Variants in GALNT10 observed in about 807,000 individuals in gnomAD.
The protein encoded by GALNT10 is GalNAc transferase 10.
GALNT10 carries 41 observed loss-of-function variants against 75.0 expected under a neutral mutation model. The observed-to-expected ratio is 0.55, with a 90% CI of 0.43 to 0.71. The LOEUF (loss-of-function observed/expected upper bound fraction) is 0.71, where lower values mean the gene tolerates loss of function less well. Among genes scored for constraint, GALNT10 ranks in the 30% least tolerant of loss-of-function variants. The probability of loss-of-function intolerance (pLI) is 0.00; values close to 1 mark genes in which losing one functional copy is unlikely to be tolerated. For synonymous variants in GALNT10, 302 were observed against 313.0 expected, an observed-to-expected ratio of 0.96 and a Z score of 0.37; for missense variants, 727 against 818.5, an observed-to-expected ratio of 0.89 and a Z score of 1.36.
chr5:154,245,479 T>A (rs1297240153), intron 1 of GALNT10, among the ~76,000 whole-genome samples: 1 of 151,956 alleles, frequency 6.6e-6, no homozygotes, highest in African/African-American at 2.4e-5. Flanking sequence ...TCAGAAAGGT[T>A]CAAACTTGTC....
chr5:154,386,263 A>G (rs1755804578), intron 6 of GALNT10, 50 bp from the exon 7 acceptor site: 3 of 1,311,144 alleles, frequency 2.3e-6, no homozygotes, highest in South Asian at 2.4e-5. Flanking sequence ...ACATGAGAGC[A>G]TGTGGCCAGG....
At chr5:154,349,982 C>T (rs1755182331) in intron 4 of GALNT10, among the ~76,000 whole-genome samples, 1 of 152,176 alleles carries the variant, frequency 6.6e-6, no homozygotes, top group Non-Finnish European at 1.5e-5. Context: ...TCCTCAGTCA[C>T]ACAAGCCACA....
intron 1 of GALNT10, among the ~76,000 whole-genome samples, chr5:154,245,416 GGGTACTACCCCTGTAA>G (rs968468699): frequency 6.6e-6 from 1 of 152,156 alleles, no homozygotes; most frequent in Non-Finnish European, 1.5e-5. Context: ...CCTCACCAGT[GGGTACTACCCCTGTAA>G]GCTTGCTCTA....
chr5:154,397,783 C>T (rs953285206), intron 7 of GALNT10, among the ~76,000 whole-genome samples: 2 of 152,226 alleles, frequency 1.3e-5, no homozygotes, highest in Admixed American at 6.5e-5. Context: ...GGTCGGGTGC[C>T]GTGCCATTCC....
intron 1 of GALNT10, among the ~76,000 whole-genome samples, chr5:154,281,807 C>G (rs1423865167): frequency 1.3e-5 from 2 of 152,196 alleles, no homozygotes; most frequent in East Asian, 1.9e-4. Flanking sequence ...CTGAAGTCCT[C>G]AAGAACCTGT....
intron 4 of GALNT10, among the ~76,000 whole-genome samples, chr5:154,372,887 C>T (rs1755596106): frequency 6.6e-6 from 1 of 152,194 alleles, no homozygotes; most frequent in Non-Finnish European, 1.5e-5. Flanking sequence ...TCATCTAACA[C>T]CTGTGTAATG....
rs557919389 is a variant in GALNT10, at chr5:154,236,976, A to G, written c.159+45951A>G. The stretch of plus-strand genomic sequence containing the variant: ...GCAGTGTCTAGGGGTCTGGGGCAAA[A>G]AGATGTGTAGCTAAATACCAAAACC... On this transcript the variant is annotated intron_variant, in intron 1 of 11. Coordinates refer to ENST00000297107, the MANE Select transcript of GALNT10 (RefSeq NM_198321.4). Among the ~76,000 whole-genome samples, 40 of 152,166 alleles carry G rather than the reference A, an allele frequency of 2.6e-4. 1 individual carries two copies. Among genetic ancestry groups the G allele is most frequent in the Non-Finnish European group, 3.4e-4 (23 of 68,044 alleles).
chr5:154,342,459 T>A (rs1755048508), intron 4 of GALNT10, among the ~76,000 whole-genome samples: 1 of 152,188 alleles, frequency 6.6e-6, no homozygotes, highest in South Asian at 2.1e-4. Flanking sequence ...GGCCCACCCA[T>A]AAAGATACTG....
chr5:154,240,651 T>C (rs1191859298), intron 1 of GALNT10, among the ~76,000 whole-genome samples: 1 of 152,198 alleles, frequency 6.6e-6, no homozygotes, highest in African/African-American at 2.4e-5. Flanking sequence ...CCATTATATT[T>C]TGTGGCTGGG....
chr5:154,296,799 C>A (rs779109073), intron 2 of GALNT10, among the ~76,000 whole-genome samples: 1 of 152,156 alleles, frequency 6.6e-6, no homozygotes, highest in Non-Finnish European at 1.5e-5. Flanking sequence ...CACTTCTGGT[C>A]TCCTGCTTAC....
intron 1 of GALNT10, among the ~76,000 whole-genome samples, chr5:154,244,064 C>T (rs1150160): frequency 8.5e-5 from 13 of 152,154 alleles, no homozygotes; most frequent in African/African-American, 2.2e-4. Context: ...GCCCAGGGCT[C>T]GGACCATGAC....
At chr5:154,330,543 C>T (rs1159099974) in intron 4 of GALNT10, among the ~76,000 whole-genome samples, 1 of 152,150 alleles carries the variant, frequency 6.6e-6, no homozygotes, top group African/African-American at 2.4e-5. Context: ...AGCATGTGAT[C>T]TTAGCTACAT....
chr5:154,394,385 A>T (rs369642457), intron 7 of GALNT10, among the ~76,000 whole-genome samples: 21 of 151,920 alleles, frequency 1.4e-4, no homozygotes, highest in South Asian at 8.3e-4. Flanking sequence ...AAGAAGACTA[A>T]GTGAAACAGG....
rs1002455649 is a variant in GALNT10, at chr5:154,209,309, A to C, written c.159+18284A>C. ...CTGCAGTGTCTCTCCAGCATCTTCT[A>C]CTAACCACTGTTAACATCATGTTAG... On this transcript the variant is annotated intron_variant, in intron 1 of 11. Transcript: ENST00000297107. Among the ~76,000 whole-genome samples the C allele has an allele frequency of 2.0e-5, 3 of 152,176 alleles. No individual in the cohort carries two copies. In the South Asian group the frequency reaches 6.2e-4, roughly 31 times the overall value.
intron 1 of GALNT10, among the ~76,000 whole-genome samples, chr5:154,223,077 G>A (rs187893158): frequency 6.6e-6 from 1 of 152,244 alleles, no homozygotes; most frequent in Admixed American, 6.5e-5. Context: ...ATATTATTTT[G>A]CATAATTTGA....
At chr5:154,284,769 A>G (rs1306724277) in intron 1 of GALNT10, among the ~76,000 whole-genome samples, 1 of 152,106 alleles carries the variant, frequency 6.6e-6, no homozygotes, top group Non-Finnish European at 1.5e-5. Flanking sequence ...CTAGATACTG[A>G]GTTTGGGAAG....
At chr5:154,200,260 C>T (rs1561626264) in intron 1 of GALNT10, among the ~76,000 whole-genome samples, 1 of 152,212 alleles carries the variant, frequency 6.6e-6, no homozygotes, top group African/African-American at 2.4e-5. Flanking sequence ...CTGGATGCTG[C>T]ACTCGGGCAG....
chr5:154,416,957 A>C lies in GALNT10; in HGVS notation c.1797A>C (p.Lys599Asn), dbSNP rs1373682897. ...ACACCAACTCAACAGTCTTGGAAAA[A>C]TTCAATAGGAACTGAGCCCTCATGT... ...FEHTNSTVLE[K>N]FNRN is the part of the protein sequence containing the mutation. The change falls in exon 12 of 12, where the codon AAA becomes AAC. Residue 599 changes from lysine (K) to asparagine (N), a missense_variant. By Grantham distance (94) the Lys-to-Asn change is moderately conservative. Coordinates refer to ENST00000297107, the MANE Select transcript of GALNT10 (RefSeq NM_198321.4). The surrounding 1 kb of genome is among the most constrained non-coding windows in gnomAD (Gnocchi z 4.5). The C allele has an allele frequency of 6.2e-7, 1 of 1,614,164 alleles. No homozygotes were observed.
chr5:154,373,676 A>G (rs192732546), intron 4 of GALNT10, among the ~76,000 whole-genome samples: 7 of 152,308 alleles, frequency 4.6e-5, no homozygotes, highest in Admixed American at 1.3e-4. Context: ...CTAAAACTCT[A>G]TGCCTTTATG....
Sources: gnomAD v4.1 joint callset for allele counts (sites outside exome capture counted in the v4.1 genomes callset) on GRCh38, gnomAD v4.1.1 for gene constraint, Gnocchi (gnomAD v3.1) non-coding constraint, MANE v1.5 for transcripts, NCBI Gene and HGNC (gene_info 2026-07-23, HGNC 2026-07-21) for gene names.